Variants in CAMTA1 observed in about 807,000 individuals in gnomAD.
CAMTA1 encodes the protein calmodulin-binding transcription activator 1.
Under a neutral mutation model 170.9 loss-of-function variants are expected in CAMTA1, and 27 were observed. The ratio of observed to expected loss-of-function variants is 0.16; its 90% CI spans 0.12 to 0.22. The LOEUF is 0.22. Ranked by LOEUF, CAMTA1 falls within the 10% of genes least tolerant of loss-of-function variation. The pLI is 1.00. For missense variants in CAMTA1, 1,619 were observed against 2,217.2 expected, an observed-to-expected ratio of 0.73 and a Z score of 5.42; for synonymous variants, 833 against 891.5, an observed-to-expected ratio of 0.93 and a Z score of 1.17.
intron 3 of CAMTA1, among the ~76,000 whole-genome samples, chr1:6,860,344 T>C (rs879888732): frequency 6.6e-6 from 1 of 152,196 alleles, no homozygotes; most frequent in African/African-American, 2.4e-5. Flanking sequence ...TATATGTGAA[T>C]GGGATGAGTT....
intron 7 of CAMTA1, among the ~76,000 whole-genome samples, chr1:7,640,823 A>G (rs1232178525): frequency 6.6e-6 from 1 of 152,220 alleles, no homozygotes; most frequent in Non-Finnish European, 1.5e-5. Flanking sequence ...TAGAGGAAGA[A>G]GCAGGCCAAG....
In CAMTA1 at chr1:7,534,861, A is replaced by G. The variant is rs2094530854; in HGVS notation, c.510+66960A>G. 6.6e-6 allele frequency among the ~76,000 whole-genome samples: 1 copy of G among 152,070 alleles called. No individual in the cohort carries two copies. Among genetic ancestry groups the G allele is most frequent in the Non-Finnish European group, 1.5e-5 (1 of 67,996 alleles). ...CTGAGGCTGCCTTGGGGCCAGAGGA[A>G]GTGGGTTTGCCTTTTGCCTGGTACA... On this transcript the variant is annotated intron_variant, in intron 6 of 22. Transcript: ENST00000303635. This position sits in a 1 kb window ranked among gnomAD's most constrained non-coding sequence, Gnocchi z 5.6.
chr1:7,538,478 C>G (rs148404339), intron 6 of CAMTA1, among the ~76,000 whole-genome samples: 23 of 152,252 alleles, frequency 1.5e-4, no homozygotes, highest in African/African-American at 3.9e-4. Flanking sequence ...TAGGAGACTT[C>G]GTCTCTACTA....
intron 5 of CAMTA1, among the ~76,000 whole-genome samples, chr1:7,343,754 T>C (rs1446334406): frequency 6.6e-6 from 1 of 152,250 alleles, no homozygotes; most frequent in Non-Finnish European, 1.5e-5. Flanking sequence ...CCTTGTTTAC[T>C]TTTTGCCTGT....
At chr1:7,268,124 A>G (rs1247241447) in intron 5 of CAMTA1, among the ~76,000 whole-genome samples, 1 of 152,156 alleles carries the variant, frequency 6.6e-6, no homozygotes, top group African/African-American at 2.4e-5. Flanking sequence ...GGCTGGAGGC[A>G]TTTTCCAGAC....
rs183722051 is a variant in CAMTA1 at position 7,563,818 on chromosome 1, T to C, written c.511-76582T>C. Among the ~76,000 whole-genome samples, 1,398 of 152,308 alleles carry C rather than the reference T, an allele frequency of 9.2e-3. 27 individuals are homozygous for C. Among genetic ancestry groups the C allele is most frequent in the African/African-American group, 0.032 (1,348 of 41,558 alleles). On this transcript the variant is annotated intron_variant, in intron 6 of 22. Transcript: ENST00000303635. ...CATTTACCCAGCAAATATTATTGTG[T>C]GCCCTGCAAACAAAGCAGACCAAAT...
rs2096873717 is a variant in CAMTA1, at chr1:7,748,527, A to C, written c.4689+746A>C. On this transcript the variant is annotated intron_variant, in intron 19 of 22. Coordinates refer to ENST00000303635, the MANE Select transcript of CAMTA1 (RefSeq NM_015215.4). The surrounding 1 kb of genome is among the most constrained non-coding windows in gnomAD (Gnocchi z 4.7). ...CTGATCCTAACACCAGTATCTTTGC[A>C]GTGAGGATCCGTGGTCCAATACTTT... Among the ~76,000 whole-genome samples the C allele has an allele frequency of 6.6e-6, 1 of 152,224 alleles. No homozygotes were observed. Among genetic ancestry groups the C allele is most frequent in the African/African-American group, 2.4e-5 (1 of 41,464 alleles).
At chr1:7,156,117 T>G (rs1449236397) in intron 4 of CAMTA1, among the ~76,000 whole-genome samples, 1 of 136,242 alleles carries the variant, frequency 7.3e-6, no homozygotes. Flanking sequence ...CTACAAAAAA[T>G]ACAAAAAAAA....
intron 3 of CAMTA1, among the ~76,000 whole-genome samples, chr1:6,846,192 C>G (rs534155264): frequency 6.6e-6 from 1 of 152,350 alleles, no homozygotes; most frequent in African/African-American, 2.4e-5. Context: ...CATTTTCTCA[C>G]TTTTCACCAT....
intron 4 of CAMTA1, among the ~76,000 whole-genome samples, chr1:7,217,267 T>C (rs968128752): frequency 6.6e-6 from 1 of 152,208 alleles, no homozygotes; most frequent in Non-Finnish European, 1.5e-5. Flanking sequence ...GAAGGAAGTG[T>C]TTGCATCCTC....
intron 5 of CAMTA1, among the ~76,000 whole-genome samples, chr1:7,294,901 G>A (rs1485130138): frequency 2.0e-5 from 3 of 152,140 alleles, no homozygotes; most frequent in African/African-American, 4.8e-5. Context: ...TGGTCCTCTC[G>A]CATCTGCCCC....
chr1:6,907,136 T>C (rs1212130125), intron 3 of CAMTA1, among the ~76,000 whole-genome samples: 1 of 152,226 alleles, frequency 6.6e-6, no homozygotes, highest in Non-Finnish European at 1.5e-5. Flanking sequence ...TTTTGTTTGC[T>C]TTCTAAAAAT....
intron 5 of CAMTA1, among the ~76,000 whole-genome samples, chr1:7,398,508 T>G (rs1001317765): frequency 6.6e-6 from 1 of 152,038 alleles, no homozygotes; most frequent in Non-Finnish European, 1.5e-5. Flanking sequence ...ACAGGTGAAC[T>G]GAATCTCTTG....
chr1:7,287,365 G>T (rs1672494702), intron 5 of CAMTA1, among the ~76,000 whole-genome samples: 1 of 152,198 alleles, frequency 6.6e-6, no homozygotes, highest in Non-Finnish European at 1.5e-5. Flanking sequence ...TGGACATGGG[G>T]CGATAGTCAT....
At chr1:7,460,595 C>A (rs1346103828) in intron 5 of CAMTA1, among the ~76,000 whole-genome samples, 1 of 40,908 alleles carries the variant, frequency 2.4e-5, no homozygotes, top group Non-Finnish European at 4.8e-5. Context: ...CTGTGACTGC[C>A]CCCCCCAACC....
chr1:6,964,138 G>A (rs1691093754), intron 3 of CAMTA1, among the ~76,000 whole-genome samples: 1 of 151,974 alleles, frequency 6.6e-6, no homozygotes, highest in Admixed American at 6.6e-5. Context: ...AGGTAGGGGT[G>A]CAGTGTCTTG....
chr1:6,891,742 C>T (rs761074061), intron 3 of CAMTA1, among the ~76,000 whole-genome samples: 4 of 152,118 alleles, frequency 2.6e-5, no homozygotes, highest in East Asian at 1.9e-4. Context: ...AGAAAGTCCA[C>T]CAGCCAATTT....
chr1:6,912,904 G>A (rs1374389925), intron 3 of CAMTA1, among the ~76,000 whole-genome samples: 1 of 152,224 alleles, frequency 6.6e-6, no homozygotes, highest in Non-Finnish European at 1.5e-5. Flanking sequence ...CCAGGAGGTT[G>A]TGTGGCCAGT....
Position 7,664,185 on chromosome 1 carries a change from A to G in CAMTA1, c.1638A>G (p.Glu546=). ...DTSFEQQMAK[E]AYSSSAAAVA... ...CCTTCGAGCAGCAGATGGCCAAAGA[A>G]GCGTACTCCTCCTCCGCGGCGGCTG... Residue 546 remains glutamate (E), a synonymous_variant, in exon 9 of 23, where the codon GAA becomes GAG. Transcript: ENST00000303635. 1.2e-6 allele frequency: 2 copies of G among 1,612,830 alleles called. No individual in the cohort carries two copies. Among genetic ancestry groups the G allele is most frequent in the Non-Finnish European group, 1.7e-6 (2 of 1,180,036 alleles).
Sources: gnomAD v4.1 joint callset for allele counts (sites outside exome capture counted in the v4.1 genomes callset) on GRCh38, gnomAD v4.1.1 for gene constraint, Gnocchi (gnomAD v3.1) non-coding constraint, MANE v1.5 for transcripts, NCBI Gene and HGNC (gene_info 2026-07-23, HGNC 2026-07-21) for gene names.